The following COL14A1 variants were observed in gnomAD, a reference collection of about 807,000 sequenced individuals.
COL14A1 encodes collagen type XIV alpha 1 chain, also known as collagen alpha-1(XIV) chain.
Under a neutral mutation model 230.3 loss-of-function variants are expected in COL14A1, and 136 were observed. The ratio of observed to expected loss-of-function variants is 0.59; its 90% CI spans 0.51 to 0.68. The LOEUF (loss-of-function observed/expected upper bound fraction) is 0.68. Ranked by LOEUF, COL14A1 falls within the 30% of genes least tolerant of loss-of-function variation. COL14A1 has a pLI of 0.00. For synonymous variants in COL14A1, 792 were observed against 784.1 expected, an observed-to-expected ratio of 1.01 and a Z score of -0.17; for missense variants, 1,976 against 2,215.8, an observed-to-expected ratio of 0.89 and a Z score of 2.17.
At chr8:120,171,191 G>T (rs928433561) in intron 5 of COL14A1, among the ~76,000 whole-genome samples, 3 of 151,922 alleles carry the variant, frequency 2.0e-5, no homozygotes, top group Admixed American at 2.0e-4. Flanking sequence ...CTATAATACA[G>T]AATATAGAAT....
At chr8:120,346,766 G>C (rs1822528811) in intron 45 of COL14A1, among the ~76,000 whole-genome samples, 1 of 152,108 alleles carries the variant, frequency 6.6e-6, no homozygotes, top group Non-Finnish European at 1.5e-5. Flanking sequence ...TGCCCTTACT[G>C]TCTTTTCTTT....
intron 2 of COL14A1, among the ~76,000 whole-genome samples, chr8:120,150,964 A>G (rs1815260328): frequency 6.6e-6 from 1 of 152,164 alleles, no homozygotes; most frequent in South Asian, 2.1e-4. Flanking sequence ...ATAAGAGTTT[A>G]ATAGAAGAAA....
At chr8:120,124,942 C>G (rs932782409), upstream of COL14A1, among the ~76,000 whole-genome samples, 1 of 152,080 alleles carries the variant, frequency 6.6e-6, no homozygotes, top group Admixed American at 6.5e-5. Context: ...GTGAGCGGCA[C>G]GGGGCTGGCT....
At chr8:120,316,169 T>C (rs1246236166) in intron 40 of COL14A1, among the ~76,000 whole-genome samples, 172 bp downstream of exon 40, 2 of 152,328 alleles carry the variant, frequency 1.3e-5, no homozygotes, top group Middle Eastern at 3.4e-3. Context: ...TGACATCTTC[T>C]ATGTTCATTA....
In COL14A1 at chr8:120,227,277, G is replaced by C. The variant is rs1317268989; in HGVS notation, c.2062G>C (p.Glu688Gln). Residue 688 changes from glutamate to glutamine, a missense_variant, in exon 17 of 48, where the codon GAG becomes CAG. Glu to Gln is a conservative substitution (Grantham distance 29). Coordinates refer to ENST00000297848, the MANE Select transcript of COL14A1 (RefSeq NM_021110.4). ...TATTGAAGGCCTGGAGCCCGGTACG[G>C]AGTATGAAGTTTCACTATTGGCCGT... ...HVIEGLEPGT[E>Q]YEVSLLAVLD... 2 of 1,614,096 alleles carry C rather than the reference G, an allele frequency of 1.2e-6. No individual in the cohort carries two copies. The highest frequency in any genetic ancestry group is 1.7e-6 in the Non-Finnish European group (2 of 1,180,010).
intron 8 of COL14A1, among the ~76,000 whole-genome samples, chr8:120,201,368 G>A (rs1350531535): frequency 6.6e-6 from 1 of 152,072 alleles, no homozygotes. Context: ...AGCCAATTGT[G>A]CACACCTTTT....
intron 5 of COL14A1, among the ~76,000 whole-genome samples, chr8:120,188,165 C>T (rs1454443789): frequency 6.6e-6 from 1 of 151,792 alleles, no homozygotes; most frequent in African/African-American, 2.4e-5. Context: ...TCACTGCAAC[C>T]TCCACCTCCT....
At chr8:120,260,906 T>G (rs1336319001) in intron 23 of COL14A1, among the ~76,000 whole-genome samples, 2 of 152,194 alleles carry the variant, frequency 1.3e-5, no homozygotes, top group South Asian at 4.1e-4. Flanking sequence ...GCTTAGAATA[T>G]ATCAGTGGAA....
At chr8:120,306,721 A>C (rs1563728980) in intron 36 of COL14A1, among the ~76,000 whole-genome samples, 2 of 152,184 alleles carry the variant, frequency 1.3e-5, no homozygotes, top group Non-Finnish European at 2.9e-5. Flanking sequence ...ATGAGGTGGA[A>C]AGTAAGTTAG....
chr8:120,206,956 C>T lies in COL14A1; in HGVS notation c.1053C>T (p.Ala351=). 1 of 1,609,336 alleles carries T rather than the reference C, an allele frequency of 6.2e-7. No individual in the cohort carries two copies. Among genetic ancestry groups the T allele is most frequent in the South Asian group, 1.1e-5 (1 of 89,778 alleles). ...QDREIKASAH[A]ITGPPTELIT... The stretch of plus-strand genomic sequence containing the variant: ...TTTTTAATTTAGCCTCAGCCCATGC[C>T]ATCACTGGGCCGCCTACGGAGTTGA... Residue 351 remains alanine (A), a synonymous_variant, in exon 10 of 48, where the codon GCC becomes GCT. Coordinates refer to ENST00000297848, the MANE Select transcript of COL14A1 (RefSeq NM_021110.4).
chr8:120,163,379 G>C (rs1815756119), intron 4 of COL14A1, among the ~76,000 whole-genome samples: 1 of 152,048 alleles, frequency 6.6e-6, no homozygotes, highest in Non-Finnish European at 1.5e-5. Context: ...GGTGTGCAGA[G>C]GACATTCTAA....
intron 24 of COL14A1, among the ~76,000 whole-genome samples, chr8:120,266,220 T>C (rs924571307): frequency 1.3e-5 from 2 of 152,054 alleles, no homozygotes; most frequent in Admixed American, 6.6e-5. Context: ...CCAGATCCTT[T>C]AACCAAGCCA....
At chr8:120,170,366 T>G (rs980712827) in intron 5 of COL14A1, among the ~76,000 whole-genome samples, 1 of 152,072 alleles carries the variant, frequency 6.6e-6, no homozygotes, top group Admixed American at 6.5e-5. Flanking sequence ...GTTCATACTA[T>G]TTTCTACATT....
chr8:120,312,026 G>T (rs1821060118), intron 37 of COL14A1, among the ~76,000 whole-genome samples: 1 of 152,118 alleles, frequency 6.6e-6, no homozygotes, highest in Non-Finnish European at 1.5e-5. Context: ...GAACCTGGGA[G>T]GCAGAGGCTG....
intron 35 of COL14A1, among the ~76,000 whole-genome samples, chr8:120,300,156 A>T (rs1350679099): frequency 3.7e-5 from 3 of 80,968 alleles, no homozygotes; most frequent in African/African-American, 1.5e-4. Context: ...GAGAAGAAAA[A>T]TGTTCTCCTA....
chr8:120,227,629 A>G lies in COL14A1; in HGVS notation c.2137+277A>G, dbSNP rs567043628. On this transcript the variant is annotated intron_variant, in intron 17 of 47. Transcript: ENST00000297848. The stretch of plus-strand genomic sequence containing the variant: ...ACAGTACTTGGCACATGTTAACTGT[A>G]GAGTAAACACCCATCAAATGGATGG... 7.9e-5 allele frequency among the ~76,000 whole-genome samples: 12 copies of G among 152,318 alleles called. No homozygotes were observed. In the South Asian group the frequency reaches 2.5e-3, roughly 32 times the overall value.
intron 22 of COL14A1, among the ~76,000 whole-genome samples, chr8:120,254,038 G>A (rs531471251): frequency 6.6e-6 from 1 of 152,312 alleles, no homozygotes; most frequent in East Asian, 1.9e-4. Context: ...TTTCTTTGCT[G>A]TAACAGAAAG....
Position 120,255,263 on chromosome 8 carries a change from C to G in COL14A1, c.2776C>G (p.Gln926Glu). The G allele has an allele frequency of 6.2e-7, 1 of 1,614,092 alleles. No individual in the cohort carries two copies. The highest frequency in any genetic ancestry group is 8.5e-7 in the Non-Finnish European group (1 of 1,179,976). Residue 926 changes from glutamine (Q) to glutamate (E), a missense_variant, in exon 23 of 48, where the codon CAA (glutamine) becomes GAA (glutamate). Gln to Glu is a conservative substitution (Grantham distance 29). Around this residue, in one of 3 missense-constraint regions of COL14A1, gnomAD observed 1,791 missense variants for 2,019.5 expected, o/e 0.89. Coordinates refer to ENST00000297848, the MANE Select transcript of COL14A1 (RefSeq NM_021110.4). ...KTLFLGVTNL[Q>E]AKHVEMTSLC... is the part of the protein sequence containing the mutation. Reference sequence around the variant, plus strand: ...AGTGTTCTTGGGTGTTACCAATCTCCAAGCCAAACATGTTGAAATGACCAG... The same window carrying G: ...AGTGTTCTTGGGTGTTACCAATCTCGAAGCCAAACATGTTGAAATGACCAG...
chr8:120,317,352 T>C (rs1048216379), intron 40 of COL14A1, among the ~76,000 whole-genome samples: 2 of 152,204 alleles, frequency 1.3e-5, no homozygotes, highest in African/African-American at 4.8e-5. Context: ...CCCCCCCTTT[T>C]TTTTAACACC....
Sources: allele counts gnomAD v4.1 joint callset (sites outside exome capture counted in the v4.1 genomes callset), GRCh38; gene constraint gnomAD v4.1.1; regional missense constraint gnomAD v4.1.1; transcripts MANE v1.5; gene names NCBI Gene and HGNC (gene_info 2026-07-23, HGNC 2026-07-21).